Variants in MEST observed in about 807,000 individuals in gnomAD.
MEST encodes the protein mesoderm-specific transcript homolog protein.
A neutral mutation model predicts 50.9 loss-of-function variants in MEST; 18 were observed. That is an observed-to-expected ratio of 0.35 (90% confidence interval 0.24 to 0.52). The LOEUF is 0.52. Ranked by LOEUF, MEST falls within the 20% of genes least tolerant of loss-of-function variation. The pLI is 0.94. For missense variants in MEST, 282 were observed against 425.3 expected (o/e 0.66, Z 2.96); for synonymous variants, 130 against 154.1 (o/e 0.84, Z 1.16).
Position 130,500,465 on chromosome 7 carries a change from CTCAAAGATGGAGGTGTGCTGTCACCCA to C in MEST, c.583_609del (p.Lys195_Ile203del). ...ACCTCCACTTATTCCCCTCCAGCTA[CTCAAAGATGGAGGTGTGCTGTCACCCA>C]TCCTCACACGACTGATGAACTTCTT... On this transcript the variant is annotated inframe_deletion, in exon 8 of 12. Transcript: ENST00000223215. This position sits in a 1 kb window ranked among gnomAD's most constrained non-coding sequence, Gnocchi z 5.0. The C allele has an allele frequency of 6.2e-7, 1 of 1,613,478 alleles. No homozygotes were observed. The highest frequency in any genetic ancestry group is 1.1e-5 in the South Asian group (1 of 90,898).
Position 130,492,304 on chromosome 7 carries a change from T to G in MEST, c.-10T>G. The G allele has an allele frequency of 7.4e-7, 1 of 1,345,366 alleles. No individual in the cohort carries two copies. The highest frequency in any genetic ancestry group is 9.5e-7 in the Non-Finnish European group (1 of 1,048,404). The allele number at this position is 1,345,366 out of a possible 1,614,324, so 83.3% of individuals were successfully genotyped here. A position where few individuals can be genotyped will look rare whatever the true frequency, so the allele number is the denominator to read the frequency against. On this transcript the variant is annotated 5_prime_UTR_variant, in exon 1 of 12. It removes the in-frame stop codon of an upstream open reading frame in the 5' UTR. Transcript: ENST00000223215. The surrounding 1 kb of genome is among the most constrained non-coding windows in gnomAD (Gnocchi z 7.6). ...CAACGCTGCGGCGGGCGGCATGGGATAACGCGGCCATGGTGCGCCGAGATC... is the reference window on the plus strand; with the variant it reads ...CAACGCTGCGGCGGGCGGCATGGGAGAACGCGGCCATGGTGCGCCGAGATC...
At chr7:130,491,400 A>G (rs537585557), upstream of MEST, 2 of 152,482 alleles carry the variant, frequency 1.3e-5, no homozygotes, top group East Asian at 3.9e-4. The surrounding 1 kb of genome is among the most constrained non-coding windows in gnomAD (Gnocchi z 6.8). Flanking sequence ...TGCCCCGCGC[A>G]GCGGCGGTGG....
exon 1 of MEST, chr7:130,486,288 C>T (rs935134121): frequency 7.2e-5 from 11 of 152,252 alleles, no homozygotes; most frequent in African/African-American, 2.7e-4. Context: ...GTGGCCGGGT[C>T]CTCCCTGGGA....
In MEST at chr7:130,497,506, G is replaced by A; in HGVS notation, c.261+271G>A. 1 of 280,318 alleles carries A rather than the reference G, an allele frequency of 3.6e-6. No individual in the cohort carries two copies. The highest frequency in any genetic ancestry group is 6.7e-6 in the Non-Finnish European group (1 of 148,752). 17.4% of individuals were successfully genotyped at this position (280,318 alleles called of 1,614,324 possible). On this transcript the variant is annotated intron_variant, in intron 3 of 11. Transcript: ENST00000223215. The surrounding 1 kb of genome is among the most constrained non-coding windows in gnomAD (Gnocchi z 4.0). ...CGGGAGGCAGAGGTTGCAGTGAGCT[G>A]AGATTGCACCACTGCACTTCAGCCT...
chr7:130,490,143 T>C (rs558989436), upstream of MEST, among the ~76,000 whole-genome samples: 4 of 152,286 alleles, frequency 2.6e-5, no homozygotes, highest in Non-Finnish European at 4.4e-5. Flanking sequence ...CTTTAAAAGG[T>C]AGTGGTAGTT....
chr7:130,494,625 GAA>G (rs149795851), intron 1 of MEST: 6,688 of 153,010 alleles, frequency 0.044, 257 homozygotes, highest in Non-Finnish European at 0.063. Flanking sequence ...AGTCTGCTAA[GAA>G]AAGCAGAAAT....
chr7:130,499,824 A>G, intron 6 of MEST, 51 bp from the exon 7 acceptor site: 1 of 1,534,062 alleles, frequency 6.5e-7, no homozygotes, highest in East Asian at 2.3e-5. Flanking sequence ...CTCTATAAAA[A>G]AAAAAAAATT....
At chr7:130,493,026 G>A (rs1584939266) in intron 1 of MEST, among the ~76,000 whole-genome samples, 1 of 152,130 alleles carries the variant, frequency 6.6e-6, no homozygotes, top group Non-Finnish European at 1.5e-5. Context: ...CGGGATAATC[G>A]CAGTGCCGAG....
rs1554437750 is a variant in MEST, at chr7:130,498,448, C to T, written c.506C>T (p.Thr169Ile). The change falls in exon 6 of 12, where the codon ACC becomes ATC. Residue 169 changes from threonine to isoleucine, a missense_variant. Coordinates refer to ENST00000223215, the MANE Select transcript of MEST (RefSeq NM_002402.4). The part of the protein sequence containing the change: ...RYKQNRSGRL[T>I]IKSLCLSNGG... ...AAGCAGAATCGATCTGGTCGGCTTA[C>T]CATAAAGAGTCTCTGTCTGTCAAAT... The T allele has an allele frequency of 6.2e-7, 1 of 1,614,118 alleles. No homozygotes were observed. The highest frequency in any genetic ancestry group is 1.1e-5 in the South Asian group (1 of 91,066).
Position 130,492,169 on chromosome 7 carries a change from C to CT in MEST, c.-144dup. On this transcript the variant is annotated 5_prime_UTR_variant, in exon 1 of 12. Coordinates refer to ENST00000223215, the MANE Select transcript of MEST (RefSeq NM_002402.4). The surrounding 1 kb of genome is among the most constrained non-coding windows in gnomAD (Gnocchi z 7.6). ...AGTGCCGCAGCGCACGCCGGAGTGG[C>CT]TGTAGCTGCCCGGCGCGGCGCCGCC... The CT allele has an allele frequency of 2.1e-6, 1 of 485,668 alleles. No homozygotes were observed. The allele number at this position is 485,668 out of a possible 1,614,324, so 30.1% of individuals were successfully genotyped here.
Position 130,497,332 on chromosome 7 carries a change from G to A in MEST, c.261+97G>A, listed in dbSNP as rs548137950. ...AGCACTTTGGGAGGCTGAGGTGGGAGGATGACCTGAGGTCAGGAGTTTGAG... is the reference window on the plus strand; with the variant it reads ...AGCACTTTGGGAGGCTGAGGTGGGAAGATGACCTGAGGTCAGGAGTTTGAG... On this transcript the variant is annotated intron_variant, in intron 3 of 11. Coordinates refer to ENST00000223215, the MANE Select transcript of MEST (RefSeq NM_002402.4). The surrounding 1 kb of genome is among the most constrained non-coding windows in gnomAD (Gnocchi z 4.0). 749 of 942,858 alleles carry A rather than the reference G, an allele frequency of 7.9e-4. 3 individuals carry two copies. Among genetic ancestry groups the A allele is most frequent in the Non-Finnish European group, 1.1e-3 (678 of 621,196 alleles). 58.4% of individuals were successfully genotyped at this position (942,858 alleles called of 1,614,324 possible). A position where few individuals can be genotyped will look rare whatever the true frequency, so the allele number is the denominator to read the frequency against.
chr7:130,498,540 C>A, intron 6 of MEST, 63 bp downstream of exon 6: 1 of 1,400,998 alleles, frequency 7.1e-7, no homozygotes, highest in Non-Finnish European at 1.0e-6. Flanking sequence ...TTAGATACAG[C>A]GGCACCTAAA....
At position 130,492,122 on chromosome 7, in the gene MEST, G is replaced by A. The variant is rs1341799468; in HGVS notation, c.-192G>A. The A allele has an allele frequency of 3.3e-6, 1 of 302,776 alleles. No homozygotes were observed. Among genetic ancestry groups the A allele is most frequent in the Non-Finnish European group, 5.8e-6 (1 of 171,222 alleles). The allele number at this position is 302,776 out of a possible 1,614,324, so 18.8% of individuals were successfully genotyped here. On this transcript the variant is annotated 5_prime_UTR_variant, in exon 1 of 12. Coordinates refer to ENST00000223215, the MANE Select transcript of MEST (RefSeq NM_002402.4). This position sits in a 1 kb window ranked among gnomAD's most constrained non-coding sequence, Gnocchi z 7.6. ...CAGCACACCCCGGCACCTCCTCTGC[G>A]GCAGCTGCGCCTCGCAAGCGCAGTG... is the stretch of plus-strand genomic sequence containing the variant.
intron 6 of MEST, 169 bp downstream of exon 6, chr7:130,498,646 T>C (rs1352175538): frequency 6.2e-6 from 4 of 648,456 alleles, no homozygotes; most frequent in South Asian, 5.8e-5. Flanking sequence ...ACAAGATTTA[T>C]GGACCCTTTC....
chr7:130,498,375 T>C (rs1554437716), intron 5 of MEST, 44 bp from the exon 6 acceptor site: 1 of 1,612,838 alleles, frequency 6.2e-7, no homozygotes, highest in East Asian at 2.2e-5. Flanking sequence ...TGCACTGGTT[T>C]AAGTTTGCTC....
intron 1 of MEST, among the ~76,000 whole-genome samples, chr7:130,495,099 G>A (rs1199141231): frequency 2.6e-5 from 4 of 152,146 alleles, no homozygotes; most frequent in Non-Finnish European, 5.9e-5. Flanking sequence ...TAGGGGCTAA[G>A]GGGTTAAAGT....
upstream of MEST, chr7:130,487,100 A>G (rs75692805): frequency 7.6e-6 from 1 of 132,422 alleles, no homozygotes; most frequent in African/African-American, 2.9e-5. Flanking sequence ...TAGTAACAGG[A>G]AAAAAAAAAA....
At chr7:130,501,448 A>C (rs73724333) in intron 9 of MEST, among the ~76,000 whole-genome samples, 1,697 of 152,354 alleles carry the variant, frequency 0.011, 33 homozygotes, top group African/African-American at 0.039. Context: ...ATTTCATTTT[A>C]GTATTAAAAA....
At chr7:130,496,557 T>G in intron 2 of MEST, 1 of 195,988 alleles carries the variant, frequency 5.1e-6, no homozygotes, top group Non-Finnish European at 1.0e-5. Flanking sequence ...TGCTGAATGC[T>G]TCCATATTGT....
Sources: gnomAD v4.1 joint callset for allele counts (sites outside exome capture counted in the v4.1 genomes callset) on GRCh38, gnomAD v4.1.1 for gene constraint, Gnocchi (gnomAD v3.1) non-coding constraint, MANE v1.5 for transcripts, NCBI Gene and HGNC (gene_info 2026-07-23, HGNC 2026-07-21) for gene names.